The following ARHGAP12 variants were observed in gnomAD, a reference collection of about 807,000 sequenced individuals.
ARHGAP12 encodes the protein Rho GTPase activating protein 12, also known as rho GTPase-activating protein 12.
Under a neutral mutation model 108.6 loss-of-function variants are expected in ARHGAP12, and 64 were observed. The ratio of observed to expected loss-of-function variants is 0.59; its 90% CI spans 0.48 to 0.73. The LOEUF (loss-of-function observed/expected upper bound fraction) is 0.73. Among genes scored for constraint, ARHGAP12 ranks in the 30% least tolerant of loss-of-function variants. The probability of loss-of-function intolerance (pLI) is 0.00; values close to 1 mark genes in which losing one functional copy is unlikely to be tolerated. For synonymous variants in ARHGAP12, 312 were observed against 337.2 expected, an observed-to-expected ratio of 0.93 and a Z score of 0.82; for missense variants, 940 against 1,005.9, an observed-to-expected ratio of 0.93 and a Z score of 0.89.
At chr10:31,867,749 T>G (rs1039031319) in intron 3 of ARHGAP12, among the ~76,000 whole-genome samples, 42 of 152,120 alleles carry the variant, frequency 2.8e-4, no homozygotes, top group Non-Finnish European at 2.5e-4. Flanking sequence ...CAAAAATCCC[T>G]AACAAAGATG....
At chr10:31,821,336 AT>A (rs1835411235) in intron 11 of ARHGAP12, among the ~76,000 whole-genome samples, 1 of 152,188 alleles carries the variant, frequency 6.6e-6, no homozygotes, top group Non-Finnish European at 1.5e-5. Context: ...TAGAAAATTT[AT>A]GTTAAATATA....
At chr10:31,881,907 GTTTAGATGT>G (rs1837975192) in intron 3 of ARHGAP12, among the ~76,000 whole-genome samples, 1 of 148,992 alleles carries the variant, frequency 6.7e-6, no homozygotes, top group Admixed American at 6.7e-5. Flanking sequence ...CAAAATTTTT[GTTTAGATGT>G]TTTTTTTTTT....
chr10:31,912,004 C>T (rs769038408), intron 1 of ARHGAP12, among the ~76,000 whole-genome samples: 21 of 152,230 alleles, frequency 1.4e-4, no homozygotes, highest in Middle Eastern at 3.4e-3. Context: ...TCTACCCTAC[C>T]CGAGCTCTGC....
At chr10:31,856,280 G>A (rs994175445) in intron 4 of ARHGAP12, among the ~76,000 whole-genome samples, 9 of 152,048 alleles carry the variant, frequency 5.9e-5, no homozygotes, top group African/African-American at 9.7e-5. Context: ...AGAAAAAAGA[G>A]CAGCTTTCTT....
intron 5 of ARHGAP12, 137 bp from the exon 6 acceptor site, chr10:31,852,734 T>A: frequency 5.9e-6 from 2 of 336,868 alleles, no homozygotes; most frequent in East Asian, 6.4e-5. Context: ...AAATTCTTTT[T>A]TTTTTTTTTT....
At position 31,857,128 on chromosome 10, in the gene ARHGAP12, C is replaced by T. The variant is rs185074524; in HGVS notation, c.949-2922G>A. 1.2e-4 allele frequency among the ~76,000 whole-genome samples: 19 copies of T among 152,162 alleles called. No homozygotes were observed. In the East Asian group the frequency reaches 3.1e-3, roughly 25 times the overall value. ...TATTATCTGATTCAAATCATTCATA[C>T]GCACACGTGTGTATGTGTTTGGGCA... is the stretch of plus-strand genomic sequence containing the variant. On this transcript the variant is annotated intron_variant, in intron 4 of 19. Transcript: ENST00000344936.
At chr10:31,908,114 ATAAC>A (rs1456724107) in intron 3 of ARHGAP12, 54 bp downstream of exon 3, 41 of 1,447,040 alleles carry the variant, frequency 2.8e-5, no homozygotes, top group African/African-American at 5.7e-5. Flanking sequence ...AATTAAAACT[ATAAC>A]TAATATTTTC....
At chr10:31,836,322 T>C (rs966297624) in intron 9 of ARHGAP12, among the ~76,000 whole-genome samples, 5 of 152,194 alleles carry the variant, frequency 3.3e-5, no homozygotes, top group African/African-American at 1.2e-4. Context: ...GGACATATAA[T>C]GAATAGCTTC....
chr10:31,888,434 C>T (rs1838268285), intron 3 of ARHGAP12, among the ~76,000 whole-genome samples: 1 of 152,186 alleles, frequency 6.6e-6, no homozygotes, highest in Non-Finnish European at 1.5e-5. Context: ...ATTTTAAAAA[C>T]TAAGAATGTG....
Position 31,809,011 on chromosome 10 carries a change from T to A in ARHGAP12, c.2246A>T (p.Asp749Val). Residue 749 changes from aspartate (D) to valine (V), a missense_variant, in exon 18 of 20, where the codon GAT becomes GTT. Transcript: ENST00000344936. The stretch of plus-strand genomic sequence containing the variant: ...ATACTTACTAATTGCATTAACAAAA[T>A]CATTAAAATGATTAAATGTAAAAAG... Reference protein sequence around the residue: ...EPLFTFNHFNDFVNAIKQEPR... With the variant: ...EPLFTFNHFNVFVNAIKQEPR... The A allele has an allele frequency of 6.3e-7, 1 of 1,586,648 alleles. No individual in the cohort carries two copies. The highest frequency in any genetic ancestry group is 1.1e-5 in the South Asian group (1 of 88,136).
Position 31,814,022 on chromosome 10 carries a change from G to A in ARHGAP12, c.1834+237C>T, listed in dbSNP as rs79816056. ...GCACTATACTTCTTCTCTGAAAGTAGCACAATACCTTAAAATTAATGTGAT... is the reference window on the plus strand; with the variant it reads ...GCACTATACTTCTTCTCTGAAAGTAACACAATACCTTAAAATTAATGTGAT... On this transcript the variant is annotated intron_variant, in intron 14 of 19. Transcript: ENST00000344936. Among the ~76,000 whole-genome samples the A allele has an allele frequency of 5.3e-5, 8 of 152,272 alleles. No homozygotes were observed. The East Asian group carries it at 1.5e-3, about 29-fold the overall frequency.
chr10:31,924,656 A>G (rs769731069), intron 1 of ARHGAP12, among the ~76,000 whole-genome samples: 22 of 152,108 alleles, frequency 1.4e-4, no homozygotes, highest in Non-Finnish European at 2.8e-4. Context: ...TTATGTAGCA[A>G]AATATAGGAA....
At position 31,807,356 on chromosome 10, in the gene ARHGAP12, T is replaced by C. The variant is rs923446734; in HGVS notation, c.*302A>G. ...AAAATACAGTTTTCTTACCAAATTA[T>C]CCAGTGTATATGACTGGTTAGAATT... On this transcript the variant is annotated 3_prime_UTR_variant, in exon 20 of 20. Transcript: ENST00000344936. 2.3e-5 allele frequency: 5 copies of C among 221,430 alleles called. No individual in the cohort carries two copies. Among genetic ancestry groups the C allele is most frequent in the African/African-American group, 9.1e-5 (4 of 44,166 alleles). The allele number at this position is 221,430 out of a possible 1,614,324, so 13.7% of individuals were successfully genotyped here.
At chr10:31,824,124 A>C (rs1436017369) in intron 11 of ARHGAP12, among the ~76,000 whole-genome samples, 1 of 152,132 alleles carries the variant, frequency 6.6e-6, no homozygotes, top group Non-Finnish European at 1.5e-5. Context: ...TAGGCCATTC[A>C]AATTAGTTCT....
Position 31,820,456 on chromosome 10 carries a change from T to C in ARHGAP12, c.1563A>G (p.Thr521=), listed in dbSNP as rs1017588845. Residue 521 remains threonine, a synonymous_variant, in exon 12 of 20, where the codon ACA becomes ACG. Coordinates refer to ENST00000344936, the MANE Select transcript of ARHGAP12 (RefSeq NM_018287.7). ...FGSNQSKPEF[T]VDLKGATIEM... The stretch of plus-strand genomic sequence containing the variant: ...CAATTGTTGCCCCCTTGAGGTCCAC[T>C]GTGAACTCTGGTTTGGACTGATTAC... 1.9e-6 allele frequency: 3 copies of C among 1,611,790 alleles called. No individual in the cohort carries two copies. The African/African-American group carries it at 4.0e-5, about 22-fold the overall frequency.
intron 7 of ARHGAP12, among the ~76,000 whole-genome samples, chr10:31,842,879 A>C (rs1392884285): frequency 6.6e-6 from 1 of 152,142 alleles, no homozygotes; most frequent in Non-Finnish European, 1.5e-5. Flanking sequence ...AGTGTTTAAA[A>C]CATCCATTCT....
At position 31,806,721 on chromosome 10, in the gene ARHGAP12, T is replaced by C. The variant is rs1834835483; in HGVS notation, c.*937A>G. On this transcript the variant is annotated 3_prime_UTR_variant, in exon 20 of 20. Transcript: ENST00000344936. ...ATATCTAAAAGTGCACACAGTTAAC[T>C]TTCCCAAATAACGGACTATTTCTGG... The C allele has an allele frequency of 6.6e-6, 1 of 152,620 alleles. No homozygotes were observed. The highest frequency in any genetic ancestry group is 2.4e-5 in the African/African-American group (1 of 41,462). The allele number at this position is 152,620 out of a possible 1,614,324, so 9.5% of individuals were successfully genotyped here.
chr10:31,876,098 G>A (rs797008305), intron 3 of ARHGAP12, among the ~76,000 whole-genome samples: 70 of 152,326 alleles, frequency 4.6e-4, no homozygotes, highest in African/African-American at 1.5e-3. Flanking sequence ...ATTCTGCTAT[G>A]AACATGGTGT....
intron 12 of ARHGAP12, among the ~76,000 whole-genome samples, chr10:31,818,158 C>T (rs933402830): frequency 4.6e-5 from 7 of 152,154 alleles, no homozygotes; most frequent in Non-Finnish European, 8.8e-5. Flanking sequence ...CACACAAATG[C>T]CATAAAACCT....
Sources: allele counts gnomAD v4.1 joint callset (sites outside exome capture counted in the v4.1 genomes callset), GRCh38; gene constraint gnomAD v4.1.1; transcripts MANE v1.5; gene names NCBI Gene and HGNC (gene_info 2026-07-23, HGNC 2026-07-21).